The following RAPSN variants were observed in gnomAD, a reference collection of about 807,000 sequenced individuals.
RAPSN encodes the protein 43 kDa receptor-associated protein of the synapse.
Under a neutral mutation model 45.7 loss-of-function variants are expected in RAPSN, and 33 were observed. That is an observed-to-expected ratio of 0.72 (90% CI 0.55 to 0.97). The LOEUF is 0.97. Among genes scored for constraint, RAPSN ranks in the 50% least tolerant of loss-of-function variants. The pLI is 0.00. For synonymous variants in RAPSN, 244 were observed against 233.6 expected, an observed-to-expected ratio of 1.04 and a Z score of -0.40; for missense variants, 519 against 559.4, an observed-to-expected ratio of 0.93 and a Z score of 0.73.
chr11:47,447,348 G>T (rs557495113), intron 2 of RAPSN, among the ~76,000 whole-genome samples: 1 of 152,150 alleles, frequency 6.6e-6, no homozygotes, highest in Non-Finnish European at 1.5e-5. Context: ...CGTGAGGACG[G>T]GGACTTGGCT....
chr11:47,440,690 G>A (rs887531389), intron 6 of RAPSN, among the ~76,000 whole-genome samples: 46 of 152,246 alleles, frequency 3.0e-4, no homozygotes, highest in Admixed American at 1.9e-3. Context: ...AGAGGTTGCA[G>A]TAAGCTGGGA....
chr11:47,445,577 C>A (rs1397286468), intron 2 of RAPSN, among the ~76,000 whole-genome samples: 6 of 113,694 alleles, frequency 5.3e-5, no homozygotes, highest in African/African-American at 6.9e-5. Flanking sequence ...GCCTAGGCAA[C>A]AGAGCGAGAC....
chr11:47,441,128 C>T, intron 6 of RAPSN, 31 bp downstream of exon 6: 1 of 1,613,928 alleles, frequency 6.2e-7, no homozygotes, highest in Non-Finnish European at 8.5e-7. Context: ...GGCCCTTGAC[C>T]CCAGATCCAG....
At chr11:47,443,931 C>CAAAAAAAAAAAAAAAAAA (rs1161231934) in intron 2 of RAPSN, among the ~76,000 whole-genome samples, 147 of 13,906 alleles carry the variant, frequency 0.011, 1 homozygote, top group Non-Finnish European at 0.012. Context: ...CTCTGTCTCA[C>CAAAAAAAAAAAAAAAAAA]AAAAAAAAAA....
At chr11:47,447,314 C>T (rs2076414802) in intron 2 of RAPSN, among the ~76,000 whole-genome samples, 1 of 152,108 alleles carries the variant, frequency 6.6e-6, no homozygotes, top group African/African-American at 2.4e-5. Context: ...GATCGTCTTT[C>T]TTCTCCAACT....
At chr11:47,447,791 C>G in intron 2 of RAPSN, 21 bp downstream of exon 2, 5 of 1,600,828 alleles carry the variant, frequency 3.1e-6, no homozygotes, top group Non-Finnish European at 4.3e-6. Context: ...CCACTGCTGT[C>G]CCCCTGGGGT....
rs773348231 is a variant in RAPSN at position 47,442,691 on chromosome 11, G to T, written c.655C>A (p.Leu219Met). The change falls in exon 3 of 8, where the codon CTG becomes ATG. Residue 219 changes from leucine (L) to methionine (M), a missense_variant. Transcript: ENST00000298854. Reference protein sequence around the residue: ...QYHMAVAYRLLGRLGSAMECC... With the variant: ...QYHMAVAYRLMGRLGSAMECC... ...TCCATGGCACTGCCCAGGCGGCCCA[G>T]CAGGCGATAGGCCACGGCCATGTGG... is the stretch of plus-strand genomic sequence containing the variant. The T allele has an allele frequency of 1.2e-6, 2 of 1,614,122 alleles. No homozygotes were observed. Among genetic ancestry groups the T allele is most frequent in the Admixed American group, 3.3e-5 (2 of 60,002 alleles).
chr11:47,438,611 C>T (rs950694451), intron 7 of RAPSN, 121 bp downstream of exon 7: 4 of 1,248,860 alleles, frequency 3.2e-6, no homozygotes, highest in Non-Finnish European at 4.5e-6. Flanking sequence ...ACGTGAGGCA[C>T]CACGCCTGGC....
intron 5 of RAPSN, 52 bp from the exon 6 acceptor site, chr11:47,441,264 T>C: frequency 6.2e-7 from 1 of 1,606,534 alleles, no homozygotes; most frequent in Non-Finnish European, 8.5e-7. Flanking sequence ...TGACAGGCCT[T>C]GCTCACAGGG....
In RAPSN at chr11:47,438,010, A is replaced by G. The variant is rs2076326636; in HGVS notation, c.1204T>C (p.Cys402Arg). The stretch of plus-strand genomic sequence containing the variant: ...CCAGGCTTCATGGATGAGCGGCGGC[A>G]GTTGGGACAGCTCCGGGTCCCGTTG... ...QNNGTRSCPN[C>R]RRSSMKPGFV The change falls in exon 8 of 8, where the codon TGC becomes CGC. Residue 402 changes from cysteine to arginine, a missense_variant. Transcript: ENST00000298854. The G allele has an allele frequency of 6.5e-7, 1 of 1,550,312 alleles. No individual in the cohort carries two copies. Among genetic ancestry groups the G allele is most frequent in the Non-Finnish European group, 8.7e-7 (1 of 1,146,974 alleles).
chr11:47,446,377 C>G (rs2153310588), intron 2 of RAPSN, among the ~76,000 whole-genome samples: 1 of 152,188 alleles, frequency 6.6e-6, no homozygotes, highest in Non-Finnish European at 1.5e-5. Context: ...TTAAAAACCC[C>G]TGTCCTGCCC....
chr11:47,440,853 C>T (rs965782832), intron 6 of RAPSN, among the ~76,000 whole-genome samples: 11 of 152,164 alleles, frequency 7.2e-5, no homozygotes, highest in African/African-American at 2.4e-4. Flanking sequence ...CCTCCTACCT[C>T]GGCCTCCCAA....
In RAPSN at chr11:47,447,681, GCTCT is replaced by G. The variant is rs2076418640; in HGVS notation, c.531+127_531+130del. ...GTTACCTTCCTGGATAAGCCTTTTTGCTCTCTGATTCTCACTCTCCTCAGCCCTC... is the reference window on the plus strand; with the variant it reads ...GTTACCTTCCTGGATAAGCCTTTTTGCTGATTCTCACTCTCCTCAGCCCTC... On this transcript the variant is annotated intron_variant, in intron 2 of 7. Coordinates refer to ENST00000298854, the MANE Select transcript of RAPSN (RefSeq NM_005055.5). 2.7e-6 allele frequency: 3 copies of G among 1,094,752 alleles called. No individual in the cohort carries two copies. In the Admixed American group the frequency reaches 7.1e-5, roughly 26 times the overall value. 67.8% of individuals were successfully genotyped at this position (1,094,752 alleles called of 1,614,324 possible). A position where few individuals can be genotyped will look rare whatever the true frequency, so the allele number is the denominator to read the frequency against.
intron 2 of RAPSN, among the ~76,000 whole-genome samples, chr11:47,444,678 G>A (rs894824409): frequency 2.0e-5 from 3 of 151,262 alleles, no homozygotes; most frequent in African/African-American, 7.3e-5. Flanking sequence ...CTAATATGGT[G>A]AAACCCCATC....
rs553795678 is a variant in RAPSN, at chr11:47,443,319, T to C, written c.532-505A>G. Among the ~76,000 whole-genome samples the C allele has an allele frequency of 1.8e-4, 27 of 152,254 alleles. No individual in the cohort carries two copies. The South Asian group carries it at 5.2e-3, about 29-fold the overall frequency. ...CAGACTCAGCGAGGCGATGCAACCA[T>C]TGGCTTGTACTTTTTCCTCAAGCTT... On this transcript the variant is annotated intron_variant, in intron 2 of 7. Coordinates refer to ENST00000298854, the MANE Select transcript of RAPSN (RefSeq NM_005055.5).
chr11:47,439,087 G>A (rs536599816), intron 6 of RAPSN, among the ~76,000 whole-genome samples, 156 bp from the exon 7 acceptor site: 4 of 152,274 alleles, frequency 2.6e-5, no homozygotes, highest in South Asian at 2.1e-4. Flanking sequence ...AGAATGAGGC[G>A]GTGGGTGAGA....
chr11:47,441,174 C>G lies in RAPSN; in HGVS notation c.951G>C (p.Glu317Asp). The change falls in exon 6 of 8, where the codon GAG becomes GAC. Residue 317 changes from glutamate (E) to aspartate (D), a missense_variant. Physicochemically the swap from Glu to Asp is conservative, Grantham distance 45. Transcript: ENST00000298854. ...CAAGTCTGACCTTGTTCCCCACCTC[C>G]TCGGCCAGATCCTGGGCTCTCTCGA... ...DAIERAQDLA[E>D]EVGNKLSQLK... The G allele has an allele frequency of 6.2e-7, 1 of 1,614,106 alleles. No homozygotes were observed. The highest frequency in any genetic ancestry group is 8.5e-7 in the Non-Finnish European group (1 of 1,180,028).
Position 47,437,935 on chromosome 11 carries a change from C to T in RAPSN, c.*40G>A, listed in dbSNP as rs1392010220. On this transcript the variant is annotated 3_prime_UTR_variant, in exon 8 of 8. Coordinates refer to ENST00000298854, the MANE Select transcript of RAPSN (RefSeq NM_005055.5). The stretch of plus-strand genomic sequence containing the variant: ...CCTCTGGCGTGCAGTGGAGAAAGAG[C>T]AGGAGTGGCGAGGAGGAAGCCCACG... The T allele has an allele frequency of 1.3e-6, 2 of 1,550,002 alleles. No homozygotes were observed. Among genetic ancestry groups the T allele is most frequent in the Admixed American group, 2.0e-5 (1 of 50,998 alleles).
At chr11:47,439,058 A>G (rs377753040) in intron 6 of RAPSN, 127 bp from the exon 7 acceptor site, 1 of 1,058,182 alleles carries the variant, frequency 9.5e-7, no homozygotes, top group African/African-American at 1.6e-5. Context: ...CCTCTCTGGG[A>G]CCTTGCTTCC....
Sources: allele counts gnomAD v4.1 joint callset (sites outside exome capture counted in the v4.1 genomes callset), GRCh38; gene constraint gnomAD v4.1.1; transcripts MANE v1.5; gene names NCBI Gene and HGNC (gene_info 2026-07-23, HGNC 2026-07-21).